Variants in GPHN observed in about 807,000 individuals in gnomAD.
The protein encoded by GPHN is gephyrin.
In GPHN, 17 loss-of-function variants were observed where a neutral mutation model predicts 95.5. That is an observed-to-expected ratio of 0.18 (90% CI 0.12 to 0.27). The LOEUF (loss-of-function observed/expected upper bound fraction) is 0.27, where lower values mean the gene tolerates loss of function less well. Among genes scored for constraint, GPHN ranks in the 10% least tolerant of loss-of-function variants. The pLI is 1.00. For synonymous variants in GPHN, 320 were observed against 322.5 expected, an observed-to-expected ratio of 0.99 and a Z score of 0.08; for missense variants, 660 against 978.1, an observed-to-expected ratio of 0.67 and a Z score of 4.34.
chr14:67,601,898 A>G, the GPHN span, among the ~76,000 whole-genome samples: 1 of 151,894 alleles, frequency 6.6e-6, no homozygotes, highest in South Asian at 2.1e-4. Context: ...AAAAAGATCC[A>G]TGGCATAAAG....
the GPHN span, among the ~76,000 whole-genome samples, chr14:67,239,843 G>T: frequency 2.6e-5 from 4 of 152,268 alleles, no homozygotes; most frequent in Admixed American, 1.3e-4. Context: ...GCAAAAGAGC[G>T]AAACTCCGTC....
At chr14:66,604,242 C>T (rs922218147) in intron 1 of GPHN, among the ~76,000 whole-genome samples, 1 of 152,032 alleles carries the variant, frequency 6.6e-6, no homozygotes, top group Non-Finnish European at 1.5e-5. Context: ...GTTACTGGCA[C>T]CTGCATTTGT....
chr14:67,550,648 A>G, the GPHN span, among the ~76,000 whole-genome samples: 3 of 152,224 alleles, frequency 2.0e-5, no homozygotes, highest in African/African-American at 7.2e-5. Context: ...ACTTACTGCT[A>G]TAGAAAATAG....
chr14:66,977,939 G>A (rs2070372656), intron 9 of GPHN, among the ~76,000 whole-genome samples: 1 of 152,146 alleles, frequency 6.6e-6, no homozygotes, highest in South Asian at 2.1e-4. Flanking sequence ...AGATATTGTA[G>A]GTTCAGTTGC....
chr14:66,880,714 A>G (rs1487200812), intron 5 of GPHN, among the ~76,000 whole-genome samples: 2 of 151,954 alleles, frequency 1.3e-5, no homozygotes, highest in Admixed American at 1.3e-4. Context: ...ATTATATTAC[A>G]TTAATGATAT....
chr14:67,218,765 T>G, the GPHN span, among the ~76,000 whole-genome samples: 3 of 152,008 alleles, frequency 2.0e-5, no homozygotes, highest in Non-Finnish European at 4.4e-5. Flanking sequence ...TCAAGCTGTT[T>G]AGAGGTTCAG....
chr14:67,370,648 G>A, the GPHN span, among the ~76,000 whole-genome samples: 598 of 152,274 alleles, frequency 3.9e-3, 3 homozygotes, highest in Admixed American at 7.7e-3. Flanking sequence ...TTTACTTACT[G>A]AAACTGACCA....
the GPHN span, among the ~76,000 whole-genome samples, chr14:67,655,417 C>T: frequency 0.97 from 147,736 of 152,316 alleles, 71,783 homozygotes; most frequent in East Asian, 1. Flanking sequence ...AGAGTGACAG[C>T]AGACTAGAGA....
the GPHN span, among the ~76,000 whole-genome samples, chr14:67,672,471 A>G: frequency 2.6e-5 from 3 of 115,634 alleles, no homozygotes; most frequent in Non-Finnish European, 5.2e-5. Flanking sequence ...TTTGATACAG[A>G]GTCTTGATCT....
chr14:67,575,006 G>A, the GPHN span, among the ~76,000 whole-genome samples: 1 of 152,214 alleles, frequency 6.6e-6, no homozygotes, highest in Non-Finnish European at 1.5e-5. Flanking sequence ...CCCGTGTGCA[G>A]CTTCTGTTCC....
intron 2 of GPHN, among the ~76,000 whole-genome samples, chr14:66,685,797 T>G (rs979311924): frequency 1.3e-5 from 2 of 152,204 alleles, no homozygotes; most frequent in Non-Finnish European, 2.9e-5. Flanking sequence ...TTGCTTTTGG[T>G]GTTTTAGACA....
the GPHN span, among the ~76,000 whole-genome samples, chr14:67,711,185 T>C: frequency 4.6e-5 from 7 of 152,312 alleles, no homozygotes; most frequent in Middle Eastern, 3.4e-3. Context: ...AAATTTAAGG[T>C]TTAGCTATTT....
chr14:67,382,821 A>C, the GPHN span: 1 of 536,872 alleles, frequency 1.9e-6, no homozygotes, highest in Non-Finnish European at 3.3e-6. Flanking sequence ...CATGTCTAAA[A>C]TTTGATCTCA....
At chr14:67,120,114 A>C (rs1250353475) in intron 16 of GPHN, among the ~76,000 whole-genome samples, 1 of 151,256 alleles carries the variant, frequency 6.6e-6, no homozygotes, top group Non-Finnish European at 1.5e-5. Context: ...CAACAGAATA[A>C]GACTCCATCT....
intron 17 of GPHN, among the ~76,000 whole-genome samples, chr14:67,132,016 C>T (rs1039071637): frequency 6.6e-6 from 1 of 152,074 alleles, no homozygotes; most frequent in African/African-American, 2.4e-5. Context: ...CAGAAGCCTG[C>T]CCCACTCAAA....
the GPHN span, among the ~76,000 whole-genome samples, chr14:67,505,198 A>G: frequency 6.6e-6 from 1 of 152,142 alleles, no homozygotes; most frequent in Non-Finnish European, 1.5e-5. Context: ...CTGAGGGTAT[A>G]GAGGGTCAGA....
chr14:67,093,995 A>G (rs767123417), intron 12 of GPHN, among the ~76,000 whole-genome samples: 8 of 152,080 alleles, frequency 5.3e-5, no homozygotes, highest in Non-Finnish European at 7.4e-5. Context: ...TCTATCAACT[A>G]TTTCCTAGGA....
intron 4 of GPHN, among the ~76,000 whole-genome samples, chr14:66,852,086 T>C (rs2062606654): frequency 6.6e-6 from 1 of 152,206 alleles, no homozygotes; most frequent in Admixed American, 6.5e-5. Context: ...AGAAAAATAA[T>C]AGAATTTAAT....
rs550206463 is a variant in GPHN, at chr14:66,913,884, T to C, written c.390-2119T>C. On this transcript the variant is annotated intron_variant, in intron 5 of 22. Coordinates refer to ENST00000478722, the MANE Select transcript of GPHN (RefSeq NM_020806.5). ...TGATATAATGTTTGTAAAAATACTT[T>C]ATTAATCCTAAAGCATTATATAGAG... Among the ~76,000 whole-genome samples the C allele has an allele frequency of 3.9e-5, 6 of 152,314 alleles. No homozygotes were observed. In the South Asian group the frequency reaches 1.2e-3, roughly 32 times the overall value.
Sources: gnomAD v4.1 joint callset for allele counts (sites outside exome capture counted in the v4.1 genomes callset) on GRCh38, gnomAD v4.1.1 for gene constraint, MANE v1.5 for transcripts, NCBI Gene and HGNC (gene_info 2026-07-23, HGNC 2026-07-21) for gene names.